The following RNGTT variants were observed in gnomAD, a reference collection of about 807,000 sequenced individuals.
RNGTT encodes RNA guanylyltransferase and 5'-phosphatase.
Under a neutral mutation model 79.3 loss-of-function variants are expected in RNGTT, and 33 were observed. The observed-to-expected ratio is 0.42, with a 90% CI of 0.32 to 0.56. RNGTT has a LOEUF of 0.56. RNGTT is among the 20% of genes least tolerant of loss of function. RNGTT has a pLI of 0.17. For synonymous variants in RNGTT, 222 were observed against 235.9 expected (o/e 0.94, Z 0.54); for missense variants, 497 against 739.1 (o/e 0.67, Z 3.80).
At chr6:88,865,093 T>G (rs1484170571) in intron 8 of RNGTT, among the ~76,000 whole-genome samples, 3 of 152,158 alleles carry the variant, frequency 2.0e-5, no homozygotes, top group Admixed American at 1.3e-4. Flanking sequence ...TTATGTTATG[T>G]GTAATTTACC....
chr6:88,651,286 G>A (rs904439480), intron 14 of RNGTT, among the ~76,000 whole-genome samples: 5 of 152,084 alleles, frequency 3.3e-5, no homozygotes, highest in African/African-American at 9.7e-5. Flanking sequence ...TGACAATAAT[G>A]CAATAGAAAC....
At chr6:88,901,619 G>A (rs1353058530) in intron 6 of RNGTT, among the ~76,000 whole-genome samples, 1 of 145,162 alleles carries the variant, frequency 6.9e-6, no homozygotes, top group African/African-American at 2.6e-5. Flanking sequence ...CCATTCTCCT[G>A]CCTCAGCCTC....
intron 4 of RNGTT, 37 bp from the exon 5 acceptor site, chr6:88,906,477 T>G (rs753372717): frequency 7.6e-7 from 1 of 1,307,312 alleles, no homozygotes; most frequent in Non-Finnish European, 1.1e-6. Flanking sequence ...AATTAACAAA[T>G]CACTGCAGAG....
chr6:88,818,577 T>C (rs1374248462), intron 11 of RNGTT, among the ~76,000 whole-genome samples: 2 of 151,986 alleles, frequency 1.3e-5, no homozygotes, highest in East Asian at 1.9e-4. Context: ...CTCCGACTCA[T>C]AGAAAAAAAG....
At chr6:88,934,425 T>C (rs527524236) in intron 2 of RNGTT, among the ~76,000 whole-genome samples, 1 of 152,190 alleles carries the variant, frequency 6.6e-6, no homozygotes, top group Non-Finnish European at 1.5e-5. Flanking sequence ...GAGCTTTTTT[T>C]CAGCATTTTT....
chr6:88,953,399 A>C (rs1203584837), intron 1 of RNGTT, among the ~76,000 whole-genome samples: 2 of 152,160 alleles, frequency 1.3e-5, no homozygotes, highest in Non-Finnish European at 2.9e-5. Flanking sequence ...CAAAGCTTTC[A>C]AATTAACCCA....
chr6:88,791,140 C>CTTT (rs66559856), intron 12 of RNGTT, among the ~76,000 whole-genome samples: 1,305 of 120,752 alleles, frequency 0.011, 22 homozygotes, highest in African/African-American at 0.036. Context: ...TCACAAGTAC[C>CTTT]TTTTTTTTTT....
intron 14 of RNGTT, among the ~76,000 whole-genome samples, chr6:88,616,543 T>A (rs1772229196): frequency 6.6e-6 from 1 of 152,150 alleles, no homozygotes; most frequent in South Asian, 2.1e-4. Context: ...TTGACGCCCA[T>A]TGTTTACTGT....
chr6:88,870,060 G>T (rs1358060445), intron 8 of RNGTT, among the ~76,000 whole-genome samples: 1 of 152,094 alleles, frequency 6.6e-6, no homozygotes, highest in African/African-American at 2.4e-5. Context: ...GTCCAAGGAA[G>T]CTCACCTGCC....
intron 4 of RNGTT, among the ~76,000 whole-genome samples, chr6:88,908,275 T>C (rs1783721052): frequency 6.6e-6 from 1 of 152,170 alleles, no homozygotes; most frequent in African/African-American, 2.4e-5. Context: ...AGCAAGGGTT[T>C]GCTCTTTGAA....
At chr6:88,948,488 G>T (rs1222363111) in intron 1 of RNGTT, among the ~76,000 whole-genome samples, 4 of 134,152 alleles carry the variant, frequency 3.0e-5, no homozygotes, top group Admixed American at 7.2e-5. Flanking sequence ...GGAGGGAGGT[G>T]GGGGGGTCAG....
intron 14 of RNGTT, among the ~76,000 whole-genome samples, chr6:88,625,585 A>C (rs1772597447): frequency 6.6e-6 from 1 of 151,882 alleles, no homozygotes; most frequent in South Asian, 2.1e-4. Flanking sequence ...GCAATTTATT[A>C]CAAAGGGGTT....
chr6:88,679,425 G>A (rs565385810), intron 13 of RNGTT, among the ~76,000 whole-genome samples: 297 of 152,272 alleles, frequency 2.0e-3, no homozygotes, highest in African/African-American at 6.9e-3. Context: ...AATTTAGTTG[G>A]AGATGAGAAC....
intron 12 of RNGTT, among the ~76,000 whole-genome samples, chr6:88,778,528 C>G (rs768432270): frequency 5.9e-5 from 9 of 152,150 alleles, no homozygotes; most frequent in Non-Finnish European, 1.0e-4. Flanking sequence ...CTTGCCCAAG[C>G]TAGAATGCAG....
chr6:88,809,874 C>T (rs558148207), intron 11 of RNGTT, among the ~76,000 whole-genome samples: 4 of 151,926 alleles, frequency 2.6e-5, no homozygotes, highest in Admixed American at 2.6e-4. Flanking sequence ...CATAGTGAGA[C>T]CCTGTCTCTA....
chr6:88,859,670 T>C (rs1781947280), intron 8 of RNGTT, among the ~76,000 whole-genome samples: 1 of 152,198 alleles, frequency 6.6e-6, no homozygotes, highest in Non-Finnish European at 1.5e-5. Flanking sequence ...TAGGATGCCT[T>C]GCCCAGAAGC....
At chr6:88,843,950 GTA>G (rs141786969) in intron 11 of RNGTT, among the ~76,000 whole-genome samples, 8 of 148,750 alleles carry the variant, frequency 5.4e-5, no homozygotes, top group Non-Finnish European at 8.9e-5. Flanking sequence ...ATATATATCT[GTA>G]TATATATATA....
intron 13 of RNGTT, among the ~76,000 whole-genome samples, chr6:88,725,601 G>A (rs1168944071): frequency 6.6e-6 from 1 of 152,120 alleles, no homozygotes; most frequent in Non-Finnish European, 1.5e-5. Flanking sequence ...AGAAAGAGGT[G>A]AGAAATCCCC....
chr6:88,835,244 G>A (rs1362226578), intron 11 of RNGTT, among the ~76,000 whole-genome samples: 1 of 151,962 alleles, frequency 6.6e-6, no homozygotes, highest in African/African-American at 2.4e-5. Flanking sequence ...GGGGGAAAGG[G>A]GACAGGGACT....
Sources: allele counts gnomAD v4.1 joint callset (sites outside exome capture counted in the v4.1 genomes callset), GRCh38; gene constraint gnomAD v4.1.1; transcripts MANE v1.5; gene names NCBI Gene and HGNC (gene_info 2026-07-23, HGNC 2026-07-21).